Variants in PPM1K observed in about 807,000 individuals in gnomAD.
The protein encoded by PPM1K is protein phosphatase, Mg2+/Mn2+ dependent 1K, also known as protein phosphatase Mn(2+)-dependent 1K.
In PPM1K, 19 loss-of-function variants were observed where a neutral mutation model predicts 32.6. The observed-to-expected ratio is 0.58, with a 90% CI of 0.41 to 0.86. The LOEUF (loss-of-function observed/expected upper bound fraction) is 0.86, where lower values mean the gene tolerates loss of function less well. Among genes scored for constraint, PPM1K ranks in the 40% least tolerant of loss-of-function variants. PPM1K has a pLI of 0.00. For synonymous variants in PPM1K, 159 were observed against 165.3 expected (o/e 0.96, Z 0.29); for missense variants, 362 against 461.2 (o/e 0.78, Z 1.97).
In PPM1K at chr4:88,268,353, C is replaced by T; in HGVS notation, c.708-19G>A. 1 of 1,614,074 alleles carries T rather than the reference C, an allele frequency of 6.2e-7. No homozygotes were observed. Among genetic ancestry groups the T allele is most frequent in the Middle Eastern group, 1.6e-4 (1 of 6,062 alleles). On this transcript the variant is annotated intron_variant, in intron 4 of 6. Coordinates refer to ENST00000608933, the MANE Select transcript of PPM1K (RefSeq NM_152542.5). Reference sequence around the variant, plus strand: ...CTTGATCCTGTTAAAAGTTAAATGACAATGGTGTGATATGTAGAAAACCCT... The same window carrying T: ...CTTGATCCTGTTAAAAGTTAAATGATAATGGTGTGATATGTAGAAAACCCT...
At chr4:88,275,695 G>A (rs1336169299) in intron 3 of PPM1K, 1 of 985,264 alleles carries the variant, frequency 1.0e-6, no homozygotes, top group East Asian at 1.1e-4. Flanking sequence ...ACATTGTGGT[G>A]TGAGACATAG....
In PPM1K at chr4:88,268,820, G is replaced by C; in HGVS notation, c.628C>G (p.Arg210Gly). 3 of 1,613,928 alleles carry C rather than the reference G, an allele frequency of 1.9e-6. No homozygotes were observed. Among genetic ancestry groups the C allele is most frequent in the Non-Finnish European group, 2.5e-6 (3 of 1,179,936 alleles). Residue 210 changes from arginine to glycine, a missense_variant, in exon 4 of 7, where the codon CGG becomes GGG. Physicochemically the swap from Arg to Gly is moderately radical, Grantham distance 125. Coordinates refer to ENST00000608933, the MANE Select transcript of PPM1K (RefSeq NM_152542.5). ...TTTCCTTTTCTACACAAAATAGCCC[G>C]GCTGTCCCCAACACTGGCTACAACC... ...ELVVASVGDS[R>G]AILCRKGKPM...
rs1731246842 is a variant in PPM1K at position 88,264,901 on chromosome 4, G to A, written c.987+100C>T. ...ATAATTGGAAATATTATGGAATCAA[G>A]TGTAAAATTCACTGCAACACTCAAA... is the stretch of plus-strand genomic sequence containing the variant. On this transcript the variant is annotated intron_variant, in intron 6 of 6. Coordinates refer to ENST00000608933, the MANE Select transcript of PPM1K (RefSeq NM_152542.5). The A allele has an allele frequency of 5.9e-6, 7 of 1,192,256 alleles. No homozygotes were observed. The South Asian group carries it at 8.8e-5, about 15-fold the overall frequency. 73.9% of individuals were successfully genotyped at this position (1,192,256 alleles called of 1,614,324 possible). A position where few individuals can be genotyped will look rare whatever the true frequency, so the allele number is the denominator to read the frequency against.
Position 88,261,905 on chromosome 4 carries a change from G to C in PPM1K, c.*690C>G. On this transcript the variant is annotated 3_prime_UTR_variant, in exon 7 of 7. Transcript: ENST00000608933. ...TTTTTTTTTTTTTGGATTTTTACTA[G>C]AGACAGGGTTTCACCATGTTGGCCA... 1 of 118,528 alleles carries C rather than the reference G, an allele frequency of 8.4e-6. No homozygotes were observed. Among genetic ancestry groups the C allele is most frequent in the African/African-American group, 3.3e-5 (1 of 30,688 alleles). The allele number at this position is 118,528 out of a possible 1,614,324, so 7.3% of individuals were successfully genotyped here. A position where few individuals can be genotyped will look rare whatever the true frequency, so the allele number is the denominator to read the frequency against.
intron 4 of PPM1K, 120 bp downstream of exon 4, chr4:88,268,620 CA>C (rs1349730410): frequency 2.6e-6 from 3 of 1,136,122 alleles, no homozygotes; most frequent in South Asian, 1.5e-5. Context: ...GACTCTGTCT[CA>C]AAAAAACAAA....
chr4:88,263,898 A>T (rs1451710218), intron 6 of PPM1K, among the ~76,000 whole-genome samples: 1 of 152,256 alleles, frequency 6.6e-6, no homozygotes, highest in Non-Finnish European at 1.5e-5. Flanking sequence ...AGACATCAGA[A>T]TGTTTATTAC....
chr4:88,278,656 G>T lies in PPM1K; in HGVS notation c.-59-14C>A, dbSNP rs1383707170. The T allele has an allele frequency of 8.0e-7, 1 of 1,257,044 alleles. No homozygotes were observed. Among genetic ancestry groups the T allele is most frequent in the Admixed American group, 2.3e-5 (1 of 42,554 alleles). 77.9% of individuals were successfully genotyped at this position (1,257,044 alleles called of 1,614,324 possible). ...ATAATGGAATGTCTTCAAGAAAAAT[G>T]ATGCAAGTCACAGGGGACAGAGGGA... On this transcript the variant is annotated splice_polypyrimidine_tract_variant and intron_variant, in intron 1 of 6. Coordinates refer to ENST00000608933, the MANE Select transcript of PPM1K (RefSeq NM_152542.5). The surrounding 1 kb of genome is among the most constrained non-coding windows in gnomAD (Gnocchi z 4.2).
At chr4:88,266,500 T>C (rs1030456972) in intron 5 of PPM1K, among the ~76,000 whole-genome samples, 1 of 150,334 alleles carries the variant, frequency 6.7e-6, no homozygotes, top group Non-Finnish European at 1.5e-5. Context: ...TGATGCTGGC[T>C]GAATGGGTGC....
Position 88,260,539 on chromosome 4 carries a change from T to C in PPM1K, c.*2056A>G, listed in dbSNP as rs2110150368. 2 of 152,242 alleles carry C rather than the reference T, an allele frequency of 1.3e-5. No homozygotes were observed. Among genetic ancestry groups the C allele is most frequent in the South Asian group, 4.2e-4 (2 of 4,818 alleles). The allele number at this position is 152,242 out of a possible 1,614,324, so 9.4% of individuals were successfully genotyped here. A position where few individuals can be genotyped will look rare whatever the true frequency, so the allele number is the denominator to read the frequency against. On this transcript the variant is annotated 3_prime_UTR_variant, in exon 7 of 7. Coordinates refer to ENST00000608933, the MANE Select transcript of PPM1K (RefSeq NM_152542.5). ...CTCACCTCTCAGACAACAAACAGAA[T>C]GTTAACAGTCTTTCCTGTGATGTTT...
intron 4 of PPM1K, 26 bp downstream of exon 4, chr4:88,268,715 A>C: frequency 6.3e-7 from 1 of 1,590,076 alleles, no homozygotes; most frequent in Non-Finnish European, 8.6e-7. Context: ...ACATAGAATG[A>C]TATGATGGAT....
Position 88,278,423 on chromosome 4 carries a change from C to T in PPM1K, c.161G>A (p.Gly54Asp). 1 of 1,614,208 alleles carries T rather than the reference C, an allele frequency of 6.2e-7. No individual in the cohort carries two copies. ...EPRCSRFDPD[G>D]SGSPATWDNF... ...GTCCCAGGTAGCTGGACTCCCACTA[C>T]CATCTGGGTCAAACCGAGAACACCT... The change falls in exon 2 of 7, where the codon GGT becomes GAT. Residue 54 changes from glycine to aspartate, a missense_variant. Gly to Asp is a moderately conservative substitution (Grantham distance 94). Transcript: ENST00000608933. The surrounding 1 kb of genome is among the most constrained non-coding windows in gnomAD (Gnocchi z 4.2).
intron 1 of PPM1K, chr4:88,279,485 C>T (rs1182245049): frequency 6.6e-6 from 1 of 152,144 alleles, no homozygotes; most frequent in Non-Finnish European, 1.5e-5. Context: ...GACAAGCAGC[C>T]CTGATTTCTG....
At chr4:88,281,043 C>T (rs982579777) in intron 1 of PPM1K, among the ~76,000 whole-genome samples, 2 of 151,600 alleles carry the variant, frequency 1.3e-5, no homozygotes, top group African/African-American at 4.8e-5. Flanking sequence ...CTTCAAACTA[C>T]AATACAATCT....
chr4:88,267,048 ATGCAGGTGATGCTGATTGGG>A (rs1303805933), intron 5 of PPM1K, among the ~76,000 whole-genome samples: 12 of 96,116 alleles, frequency 1.2e-4, no homozygotes, highest in Non-Finnish European at 2.5e-4. Context: ...GGCTGACTGG[ATGCAGGTGATGCTGATTGGG>A]TGCAGGTGAT....
chr4:88,274,325 A>G lies in PPM1K; in HGVS notation c.541+2818T>C, dbSNP rs1032708024. Among the ~76,000 whole-genome samples the G allele has an allele frequency of 2.0e-5, 3 of 152,250 alleles. No individual in the cohort carries two copies. In the East Asian group the frequency reaches 5.8e-4, roughly 29 times the overall value. ...AATGCAAACATTTTATAATAATTTG[A>G]TTAAATCAGCTATATGATAATCAAA... On this transcript the variant is annotated intron_variant, in intron 3 of 6. Coordinates refer to ENST00000608933, the MANE Select transcript of PPM1K (RefSeq NM_152542.5).
At chr4:88,280,300 G>A (rs936779175) in intron 1 of PPM1K, among the ~76,000 whole-genome samples, 6 of 152,132 alleles carry the variant, frequency 3.9e-5, no homozygotes, top group African/African-American at 1.4e-4. Context: ...ACAGAATTTA[G>A]AATAAAGATG....
At chr4:88,263,077 C>T (rs115224925) in intron 6 of PPM1K, among the ~76,000 whole-genome samples, 1,538 of 152,234 alleles carry the variant, frequency 0.01, 12 homozygotes, top group Non-Finnish European at 0.014. Context: ...GAGTAACACA[C>T]GGTGAGGACT....
intron 1 of PPM1K, among the ~76,000 whole-genome samples, chr4:88,283,621 TCATCTACAGAAAG>T (rs1218217547): frequency 6.6e-6 from 1 of 152,196 alleles, no homozygotes; most frequent in African/African-American, 2.4e-5. Flanking sequence ...GTGAATTCCC[TCATCTACAGAAAG>T]CGGCTGCTGA....
intron 3 of PPM1K, chr4:88,276,052 A>T (rs1731754391): frequency 1.0e-6 from 1 of 985,290 alleles, no homozygotes; most frequent in Non-Finnish European, 1.2e-6. Flanking sequence ...CTCAGGAAAA[A>T]ATCTCAAGAT....
Sources: gnomAD v4.1 joint callset for allele counts (sites outside exome capture counted in the v4.1 genomes callset) on GRCh38, gnomAD v4.1.1 for gene constraint, Gnocchi (gnomAD v3.1) non-coding constraint, MANE v1.5 for transcripts, NCBI Gene and HGNC (gene_info 2026-07-23, HGNC 2026-07-21) for gene names.